PCSK7: variants seen among roughly 807,000 people sequenced by gnomAD.
PCSK7 encodes the protein lymphoma proprotein convertase.
Under a neutral mutation model 73.3 loss-of-function variants are expected in PCSK7, and 38 were observed. That is an observed-to-expected ratio of 0.52 (90% CI 0.40 to 0.68). The LOEUF is 0.68. PCSK7 is among the 30% of genes least tolerant of loss of function. PCSK7 has a pLI of 0.00. For missense variants in PCSK7, 692 were observed against 991.5 expected (o/e 0.70, Z 4.06); for synonymous variants, 296 against 383.8 (o/e 0.77, Z 2.68).
intron 5 of PCSK7, chr11:117,226,881 C>T (rs981561797): frequency 2.8e-6 from 1 of 356,862 alleles, no homozygotes; most frequent in African/African-American, 2.2e-5. Context: ...AGGCTGCCAC[C>T]ATAGACGTAT....
intron 4 of PCSK7, 76 bp from the exon 5 acceptor site, chr11:117,227,398 G>A: frequency 9.0e-7 from 1 of 1,105,590 alleles, no homozygotes; most frequent in Non-Finnish European, 1.4e-6. Flanking sequence ...GGGACAGAAA[G>A]GAAATGGGAG....
chr11:117,228,143 G>T, intron 4 of PCSK7, 73 bp downstream of exon 4: 2 of 1,471,760 alleles, frequency 1.4e-6, no homozygotes, highest in East Asian at 2.3e-5. Flanking sequence ...CTAGAAAAGG[G>T]GACAAGACTG....
chr11:117,208,942 G>C lies in PCSK7; in HGVS notation c.1646C>G (p.Pro549Arg). ...RGSLELKLFC[P>R]SGMMSLIGAP... ...GCCGATGAGGGACATCATGCCACTG[G>C]GGCAGAACAGCTTCAGCTCCAAGCT... Residue 549 changes from proline (P) to arginine (R), a missense_variant, in exon 13 of 17, where the codon CCC becomes CGC. Pro to Arg is a moderately radical substitution (Grantham distance 103, BLOSUM62 -2). Transcript: ENST00000320934. The C allele has an allele frequency of 6.2e-7, 1 of 1,612,964 alleles. No homozygotes were observed. Among genetic ancestry groups the C allele is most frequent in the South Asian group, 1.1e-5 (1 of 90,746 alleles).
chr11:117,229,535 G>T lies in PCSK7; in HGVS notation c.310C>A (p.His104Asn). Reference protein sequence around the residue: ...GHYLFVQPAGHRPALEVEAIR... With the variant: ...GHYLFVQPAGNRPALEVEAIR... ...GCCTCCACCTCCAGGGCCGGCCTGT[G>T]CCCAGCAGGCTGGACAAAGAGGTAG... The change falls in exon 3 of 17, where the codon CAC (histidine) becomes AAC (asparagine). Residue 104 changes from histidine to asparagine, a missense_variant. By Grantham distance (68) the His-to-Asn change is moderately conservative (BLOSUM62 1). Around this residue, in one of 6 missense-constraint regions of PCSK7, gnomAD observed 574 missense variants for 689.8 expected, o/e 0.83. Coordinates refer to ENST00000320934, the MANE Select transcript of PCSK7 (RefSeq NM_004716.4). 1.2e-6 allele frequency: 2 copies of T among 1,613,374 alleles called. No homozygotes were observed. The highest frequency in any genetic ancestry group is 1.7e-6 in the Non-Finnish European group (2 of 1,180,022).
intron 3 of PCSK7, among the ~76,000 whole-genome samples, chr11:117,228,637 G>A (rs56141924): frequency 0.19 from 27,523 of 145,362 alleles, 2,840 homozygotes; most frequent in African/African-American, 0.27. Flanking sequence ...TTTTTGAGAC[G>A]GAGTCTTGCT....
Position 117,227,227 on chromosome 11 carries a change from T to G in PCSK7, c.699A>C (p.Ala233=). The part of the protein sequence containing the change: ...ENGNHHGTRC[A]GEIAAVPNNS... Reference sequence around the variant, plus strand: ...TGTTGGGCACAGCCGCGATCTCTCCTGCACATCGCGTGCCATGGTGGTTGC... The same window carrying G: ...TGTTGGGCACAGCCGCGATCTCTCCGGCACATCGCGTGCCATGGTGGTTGC... Residue 233 remains alanine (A), a synonymous_variant, in exon 5 of 17, where the codon GCA becomes GCC. Coordinates refer to ENST00000320934, the MANE Select transcript of PCSK7 (RefSeq NM_004716.4). The G allele has an allele frequency of 6.2e-7, 1 of 1,613,836 alleles. No homozygotes were observed. Among genetic ancestry groups the G allele is most frequent in the Non-Finnish European group, 8.5e-7 (1 of 1,179,850 alleles).
rs1261327966 is a variant in PCSK7, at chr11:117,205,990, CCT to C, written c.*5_*6del. ...AAGAGCCTGTCCCACACTGTCAGGC[CCT>C]GAGGTCAGCAGATCTGCTCCTCCTT... is the stretch of plus-strand genomic sequence containing the variant. On this transcript the variant is annotated 3_prime_UTR_variant, in exon 17 of 17. Transcript: ENST00000320934. 9.3e-7 allele frequency: 1 copy of C among 1,073,862 alleles called. No individual in the cohort carries two copies. Among genetic ancestry groups the C allele is most frequent in the Non-Finnish European group, 1.3e-6 (1 of 751,682 alleles). 66.5% of individuals were successfully genotyped at this position (1,073,862 alleles called of 1,614,324 possible). A position where few individuals can be genotyped will look rare whatever the true frequency, so the allele number is the denominator to read the frequency against.
At position 117,218,553 on chromosome 11, in the gene PCSK7, G is replaced by A; in HGVS notation, c.1447C>T (p.Pro483Ser). ...GGACTGACGTAGGATGCTAAGTAAG[G>A]GACAGATGTCCAGATCTATGAAAGG... ...VNAAKIWTSV[P>S]YLASYVSPVL... The change falls in exon 12 of 17, where the codon CCT becomes TCT. Residue 483 changes from proline (P) to serine (S), a missense_variant. By Grantham distance (74) the Pro-to-Ser change is moderately conservative. Coordinates refer to ENST00000320934, the MANE Select transcript of PCSK7 (RefSeq NM_004716.4). This position sits in a 1 kb window ranked among gnomAD's most constrained non-coding sequence, Gnocchi z 4.0. 2 of 1,599,328 alleles carry A rather than the reference G, an allele frequency of 1.3e-6. No homozygotes were observed. Among genetic ancestry groups the A allele is most frequent in the Middle Eastern group, 1.7e-4 (1 of 6,018 alleles).
intron 8 of PCSK7, 173 bp from the exon 9 acceptor site, chr11:117,223,481 G>A: frequency 3.4e-6 from 2 of 593,132 alleles, no homozygotes; most frequent in Non-Finnish European, 6.1e-6. Context: ...TGAACAGGCA[G>A]TCTCAAGTGG....
rs199777458 is a variant in PCSK7, at chr11:117,227,234, C to T, written c.692G>A (p.Arg231Gln). 4 of 1,613,860 alleles carry T rather than the reference C, an allele frequency of 2.5e-6. No individual in the cohort carries two copies. The highest frequency in any genetic ancestry group is 2.2e-5 in the East Asian group (1 of 44,866). Residue 231 changes from arginine to glutamine, a missense_variant, in exon 5 of 17, where the codon CGA becomes CAA. Coordinates refer to ENST00000320934, the MANE Select transcript of PCSK7 (RefSeq NM_004716.4). ...CACAGCCGCGATCTCTCCTGCACATCGCGTGCCATGGTGGTTGCCATTCTC... is the reference window on the plus strand; with the variant it reads ...CACAGCCGCGATCTCTCCTGCACATTGCGTGCCATGGTGGTTGCCATTCTC... The part of the protein sequence containing the change: ...DVENGNHHGT[R>Q]CAGEIAAVPN...
Position 117,229,949 on chromosome 11 carries a change from CT to C in PCSK7, c.-12-94del, listed in dbSNP as rs1415424187. 3 of 702,374 alleles carry C rather than the reference CT, an allele frequency of 4.3e-6. No homozygotes were observed. The East Asian group carries it at 8.3e-5, about 19-fold the overall frequency. 43.5% of individuals were successfully genotyped at this position (702,374 alleles called of 1,614,324 possible). On this transcript the variant is annotated intron_variant, in intron 2 of 16. Coordinates refer to ENST00000320934, the MANE Select transcript of PCSK7 (RefSeq NM_004716.4). ...ATGCTGAGCCATCCATGTGTTCCCC[CT>C]GGAAGTCCCTAAGCCATGCCTTTTA...
At chr11:117,223,379 G>C (rs2032282842) in intron 8 of PCSK7, 71 bp from the exon 9 acceptor site, 1 of 945,106 alleles carries the variant, frequency 1.1e-6, no homozygotes, top group Admixed American at 1.7e-5. Flanking sequence ...GCTAATGTCA[G>C]TTATCTTGGA....
intron 3 of PCSK7, among the ~76,000 whole-genome samples, 155 bp from the exon 4 acceptor site, chr11:117,228,505 G>A (rs1196255342): frequency 6.6e-6 from 1 of 152,124 alleles, no homozygotes; most frequent in Non-Finnish European, 1.5e-5. Context: ...TCAAGGAGGA[G>A]CAGGTGAGAG....
At position 117,218,444 on chromosome 11, in the gene PCSK7, C is replaced by T; in HGVS notation, c.1534+22G>A. ...CCCAAACCTCAGGCCTAAGATTAAC[C>T]CCCTTTGTGCTGATTACTTACCATT... On this transcript the variant is annotated intron_variant, in intron 12 of 16. Coordinates refer to ENST00000320934, the MANE Select transcript of PCSK7 (RefSeq NM_004716.4). The surrounding 1 kb of genome is among the most constrained non-coding windows in gnomAD (Gnocchi z 4.0). 2.9e-6 allele frequency: 4 copies of T among 1,364,402 alleles called. No individual in the cohort carries two copies. The highest frequency in any genetic ancestry group is 4.1e-6 in the Non-Finnish European group (4 of 986,538). The allele number at this position is 1,364,402 out of a possible 1,614,324, so 84.5% of individuals were successfully genotyped here.
intron 8 of PCSK7, 47 bp from the exon 9 acceptor site, chr11:117,223,355 T>C: frequency 8.7e-7 from 1 of 1,152,180 alleles, no homozygotes; most frequent in Non-Finnish European, 1.3e-6. Flanking sequence ...GAGGGGGTCC[T>C]GTGGCAGGGG....
At position 117,218,252 on chromosome 11, in the gene PCSK7, A is replaced by C; in HGVS notation, c.1534+214T>G. Reference sequence around the variant, plus strand: ...TGCTCTGCTGCTCCTTTTCACTACTAGGAACCCAGGAGAAAGGTCTTGTTT... The same window carrying C: ...TGCTCTGCTGCTCCTTTTCACTACTCGGAACCCAGGAGAAAGGTCTTGTTT... On this transcript the variant is annotated intron_variant, in intron 12 of 16. Coordinates refer to ENST00000320934, the MANE Select transcript of PCSK7 (RefSeq NM_004716.4). The surrounding 1 kb of genome is among the most constrained non-coding windows in gnomAD (Gnocchi z 4.0). The C allele has an allele frequency of 3.7e-6, 1 of 273,686 alleles. No individual in the cohort carries two copies. The highest frequency in any genetic ancestry group is 8.6e-5 in the South Asian group (1 of 11,612). 17.0% of individuals were successfully genotyped at this position (273,686 alleles called of 1,614,324 possible). A position where few individuals can be genotyped will look rare whatever the true frequency, so the allele number is the denominator to read the frequency against.
In PCSK7 at chr11:117,226,019, T is replaced by C. The variant is rs1282054700; in HGVS notation, c.772A>G (p.Ile258Val). The C allele has an allele frequency of 3.5e-5, 55 of 1,592,724 alleles. No individual in the cohort carries two copies. Among genetic ancestry groups the C allele is most frequent in the Non-Finnish European group, 4.4e-5 (51 of 1,160,576 alleles). The change falls in exon 6 of 17, where the codon ATC becomes GTC. Residue 258 changes from isoleucine to valine, a missense_variant and splice_region_variant. Ile to Val is a conservative substitution (Grantham distance 29, BLOSUM62 3). Coordinates refer to ENST00000320934, the MANE Select transcript of PCSK7 (RefSeq NM_004716.4). ...GTGAGAGGTCCATCCAGTACCCGGA[T>C]ACCTAGGCAATGAAGGCCACAGCAG... ...GVAYGSRIAG[I>V]RVLDGPLTDS...
At chr11:117,212,627 G>C (rs2031782318) in intron 12 of PCSK7, 1 of 151,640 alleles carries the variant, frequency 6.6e-6, no homozygotes, top group African/African-American at 2.4e-5. Flanking sequence ...TGGTCAGGCT[G>C]GTCTCGAACT....
At chr11:117,219,345 C>T (rs2032106900) in intron 10 of PCSK7, 181 bp from the exon 11 acceptor site, 1 of 633,406 alleles carries the variant, frequency 1.6e-6, no homozygotes, top group East Asian at 2.8e-5. Context: ...TGTCACCACC[C>T]CACTGGCTTG....
Sources: gnomAD v4.1 joint callset for allele counts (sites outside exome capture counted in the v4.1 genomes callset) on GRCh38, gnomAD v4.1.1 for gene constraint, gnomAD v4.1.1 regional missense constraint, Gnocchi (gnomAD v3.1) non-coding constraint, MANE v1.5 for transcripts, NCBI Gene and HGNC (gene_info 2026-07-23, HGNC 2026-07-21) for gene names.